Variants in ABCC12 observed in about 807,000 individuals in gnomAD.
ABCC12 encodes the protein ATP binding cassette subfamily C member 12, also known as ATP-binding cassette sub-family C member 12.
Under a neutral mutation model 151.1 loss-of-function variants are expected in ABCC12, and 142 were observed. The observed-to-expected ratio is 0.94, with a 90% confidence interval of 0.82 to 1.08. The LOEUF (loss-of-function observed/expected upper bound fraction) is 1.08. ABCC12 is among the 50% of genes least tolerant of loss of function. The pLI, the probability that ABCC12 is intolerant of heterozygous loss-of-function variation, is 0.00. For missense variants in ABCC12, 1,638 were observed against 1,691.1 expected, an observed-to-expected ratio of 0.97 and a Z score of 0.55; for synonymous variants, 645 against 646.4, an observed-to-expected ratio of 1.00 and a Z score of 0.03.
chr16:48,105,283 C>T lies in ABCC12; in HGVS notation c.2529G>A (p.Leu843=). ...NRTMCEVGAV[L]ADIGQHVYQW... ...GGTACACATGCTGACCGATGTCTGC[C>T]AGCACCGCGCCGACCTCACACATGG... is the stretch of plus-strand genomic sequence containing the variant. The change falls in exon 21 of 31, where the codon CTG becomes CTA. Residue 843 remains leucine, a synonymous_variant. Transcript: ENST00000311303. 6.2e-7 allele frequency: 1 copy of T among 1,613,808 alleles called. No individual in the cohort carries two copies. The highest frequency in any genetic ancestry group is 8.5e-7 in the Non-Finnish European group (1 of 1,179,990).
Position 48,128,527 on chromosome 16 carries a change from T to C in ABCC12, c.1447A>G (p.Thr483Ala), listed in dbSNP as rs1257501432. The part of the protein sequence containing the change: ...SERSPPAKGA[T>A]GPEEQSDSLK... ...CTGTCACTTTGCTCCTCTGGGCCAGTGGCTCCCTTGGCTGGTGGACTCCTC... is the reference window on the plus strand; with the variant it reads ...CTGTCACTTTGCTCCTCTGGGCCAGCGGCTCCCTTGGCTGGTGGACTCCTC... Residue 483 changes from threonine to alanine, a missense_variant, in exon 11 of 31, where the codon ACT becomes GCT. Coordinates refer to ENST00000311303, the MANE Select transcript of ABCC12 (RefSeq NM_001393797.1). 1 of 1,614,232 alleles carries C rather than the reference T, an allele frequency of 6.2e-7. No individual in the cohort carries two copies. Among genetic ancestry groups the C allele is most frequent in the South Asian group, 1.1e-5 (1 of 91,086 alleles).
At chr16:48,096,977 G>A (rs760207717) in intron 23 of ABCC12, 75 bp from the exon 24 acceptor site, 1 of 1,586,874 alleles carries the variant, frequency 6.3e-7, no homozygotes. Flanking sequence ...AGGTTGTGCT[G>A]TAGACTTAAG....
At position 48,121,772 on chromosome 16, in the gene ABCC12, G is replaced by C. The variant is rs1442548484; in HGVS notation, c.1656C>G (p.Ile552Met). Residue 552 changes from isoleucine to methionine, a missense_variant, in exon 13 of 31, where the codon ATC becomes ATG. Physicochemically the swap from Ile to Met is conservative, Grantham distance 10. Coordinates refer to ENST00000311303, the MANE Select transcript of ABCC12 (RefSeq NM_001393797.1). ...TGTTTTCTCTCACATTTCCATGAAA[G>C]ATCCATGCCTGCTGTGAAACGTAGG... Reference protein sequence around the residue: ...TLAYVSQQAWIFHGNVRENIL... With the variant: ...TLAYVSQQAWMFHGNVRENIL... The C allele has an allele frequency of 6.2e-7, 1 of 1,614,148 alleles. No homozygotes were observed. The highest frequency in any genetic ancestry group is 1.7e-5 in the Admixed American group (1 of 60,022).
chr16:48,151,571 G>T lies in ABCC12; in HGVS notation c.-51+2045C>A, dbSNP rs1223179306. On this transcript the variant is annotated intron_variant, in intron 2 of 30. Coordinates refer to ENST00000311303, the MANE Select transcript of ABCC12 (RefSeq NM_001393797.1). ...CATACTAACATGAGATGTTATTAATGTTATTAGCAAGGGTAGCTGGATATG... is the reference window on the plus strand; with the variant it reads ...CATACTAACATGAGATGTTATTAATTTTATTAGCAAGGGTAGCTGGATATG... Among the ~76,000 whole-genome samples the T allele has an allele frequency of 3.3e-5, 5 of 152,306 alleles. No individual in the cohort carries two copies. The East Asian group carries it at 9.6e-4, about 29-fold the overall frequency.
intron 12 of ABCC12, 152 bp downstream of exon 12, chr16:48,124,061 T>C: frequency 1.2e-6 from 1 of 818,078 alleles, no homozygotes; most frequent in Non-Finnish European, 2.0e-6. Context: ...CTGGAGCTGC[T>C]GCGTGCATTA....
At chr16:48,127,087 G>A (rs760038583) in intron 11 of ABCC12, among the ~76,000 whole-genome samples, 9 of 152,038 alleles carry the variant, frequency 5.9e-5, no homozygotes, top group Non-Finnish European at 8.8e-5. Flanking sequence ...ACTAAATATC[G>A]TTTCCAATGA....
chr16:48,121,716 C>T lies in ABCC12; in HGVS notation c.1712G>A (p.Arg571Lys). 6.2e-7 allele frequency: 1 copy of T among 1,614,072 alleles called. No homozygotes were observed. The highest frequency in any genetic ancestry group is 8.5e-7 in the Non-Finnish European group (1 of 1,180,010). Residue 571 changes from arginine to lysine, a missense_variant and splice_region_variant, in exon 13 of 31, where the codon AGG (arginine) becomes AAG (lysine). Physicochemically the swap from Arg to Lys is conservative, Grantham distance 26. Transcript: ENST00000311303. ...CTCCTGCTTTAAAAGTTAATATTAC[C>T]TTTGGTGATCATACTTTTCTCCAAA... is the stretch of plus-strand genomic sequence containing the variant. ...ILFGEKYDHQRYQHTVRVCGL... is the reference protein window; with the variant it reads ...ILFGEKYDHQKYQHTVRVCGL...
intron 4 of ABCC12, among the ~76,000 whole-genome samples, chr16:48,142,431 C>T (rs1360032906): frequency 2.6e-5 from 4 of 152,152 alleles, no homozygotes; most frequent in Non-Finnish European, 4.4e-5. Context: ...TCTAAGTGGA[C>T]ATTGGGTAGA....
intron 23 of ABCC12, among the ~76,000 whole-genome samples, chr16:48,099,305 G>A (rs948972742): frequency 6.9e-4 from 105 of 152,232 alleles, no homozygotes; most frequent in African/African-American, 2.5e-3. Flanking sequence ...GCTGAGGCAA[G>A]AGAATCGCTT....
chr16:48,107,761 G>T (rs1162569571), intron 19 of ABCC12, among the ~76,000 whole-genome samples: 1 of 152,204 alleles, frequency 6.6e-6, no homozygotes, highest in African/African-American at 2.4e-5. Context: ...CAGCACTTTG[G>T]GAAGCTGAGG....
intron 23 of ABCC12, among the ~76,000 whole-genome samples, chr16:48,099,832 A>G (rs889822910): frequency 6.6e-6 from 1 of 152,188 alleles, no homozygotes; most frequent in Non-Finnish European, 1.5e-5. Flanking sequence ...TGTGGAGTAC[A>G]ATCACCTACT....
intron 24 of ABCC12, among the ~76,000 whole-genome samples, chr16:48,094,761 A>C (rs1963033096): frequency 6.6e-6 from 1 of 152,178 alleles, no homozygotes; most frequent in South Asian, 2.1e-4. Context: ...GGGTACCTAA[A>C]AGCCAGCTCC....
At chr16:48,108,009 A>C (rs1415558888) in intron 19 of ABCC12, among the ~76,000 whole-genome samples, 2 of 148,558 alleles carry the variant, frequency 1.3e-5, no homozygotes, top group Non-Finnish European at 3.0e-5. Flanking sequence ...ACTCCATTTC[A>C]AAAAAAAAAG....
rs1477292263 is a variant in ABCC12, at chr16:48,082,609, T to C, written c.*1106A>G. On this transcript the variant is annotated 3_prime_UTR_variant, in exon 31 of 31. Coordinates refer to ENST00000311303, the MANE Select transcript of ABCC12 (RefSeq NM_001393797.1). ...GGGAAGCAAGTACGTGACCAACACT[T>C]ACAAGGGAAGTGGGGTGGGGGGTTG... Among the ~76,000 whole-genome samples the C allele has an allele frequency of 6.6e-6, 1 of 152,134 alleles. No individual in the cohort carries two copies. Among genetic ancestry groups the C allele is most frequent in the Non-Finnish European group, 1.5e-5 (1 of 68,026 alleles).
intron 29 of ABCC12, 85 bp downstream of exon 29, chr16:48,085,508 C>T (rs1962549662): frequency 5.3e-6 from 6 of 1,128,374 alleles, no homozygotes; most frequent in Non-Finnish European, 8.0e-6. Context: ...TGCTGAAAGA[C>T]ATACACGTGG....
At position 48,122,522 on chromosome 16, in the gene ABCC12, G is replaced by A. The variant is rs144403612; in HGVS notation, c.1588-682C>T. Among the ~76,000 whole-genome samples, 1,114 of 152,264 alleles carry A rather than the reference G, an allele frequency of 7.3e-3. 15 individuals are homozygous for A. Among genetic ancestry groups the A allele is most frequent in the African/African-American group, 0.026 (1,064 of 41,548 alleles). On this transcript the variant is annotated intron_variant, in intron 12 of 30. Transcript: ENST00000311303. The stretch of plus-strand genomic sequence containing the variant: ...TCATCGTGGGCATCCAATAGACAAT[G>A]GTAGACAGCGGGGATGCAACGTTCA...
At chr16:48,087,794 C>A (rs73540849) in intron 27 of ABCC12, 132 bp downstream of exon 27, 4 of 951,864 alleles carry the variant, frequency 4.2e-6, no homozygotes, top group Non-Finnish European at 6.2e-6. Context: ...TGCTTGTGAG[C>A]CCCCCTGGGA....
chr16:48,107,800 G>A (rs926391429), intron 19 of ABCC12, among the ~76,000 whole-genome samples: 3 of 152,180 alleles, frequency 2.0e-5, no homozygotes, highest in African/African-American at 4.8e-5. Context: ...TCAGGAGTTC[G>A]AGACTAGCCT....
chr16:48,145,750 G>T (rs536400844), intron 3 of ABCC12, among the ~76,000 whole-genome samples: 2 of 152,180 alleles, frequency 1.3e-5, no homozygotes, highest in Non-Finnish European at 2.9e-5. Context: ...GCCAACAGCC[G>T]GCCCACCTCC....
Sources: allele counts gnomAD v4.1 joint callset (sites outside exome capture counted in the v4.1 genomes callset), GRCh38; gene constraint gnomAD v4.1.1; transcripts MANE v1.5; gene names NCBI Gene and HGNC (gene_info 2026-07-23, HGNC 2026-07-21).